Variants in ZFHX3 observed in about 807,000 individuals in gnomAD.
ZFHX3 encodes zinc finger homeobox protein 3.
Under a neutral mutation model 279.1 loss-of-function variants are expected in ZFHX3, and 42 were observed. The ratio of observed to expected loss-of-function variants is 0.15; its 90% CI spans 0.12 to 0.19. The LOEUF is 0.19. Ranked by LOEUF, ZFHX3 falls within the 10% of genes least tolerant of loss-of-function variation. The pLI, the probability that ZFHX3 is intolerant of heterozygous loss-of-function variation, is 1.00. For missense variants in ZFHX3, 4,981 were observed against 4,754.0 expected (o/e 1.05, Z -1.40); for synonymous variants, 2,293 against 1,957.8 (o/e 1.17, Z -4.52).
chr16:73,445,523 A>C (rs1284198454), intron 3 of ZFHX3, among the ~76,000 whole-genome samples: 1 of 152,150 alleles, frequency 6.6e-6, no homozygotes, highest in Non-Finnish European at 1.5e-5. Flanking sequence ...TCCAAATGGA[A>C]CTATCTGAGC....
At chr16:73,566,935 G>A (rs1304421831) in intron 2 of ZFHX3, among the ~76,000 whole-genome samples, 1 of 152,128 alleles carries the variant, frequency 6.6e-6, no homozygotes, top group Admixed American at 6.5e-5. Context: ...CCAACCTCAG[G>A]TGATCCGCCT....
intron 7 of ZFHX3, among the ~76,000 whole-genome samples, chr16:73,106,986 C>T (rs898588016): frequency 2.0e-5 from 3 of 152,072 alleles, no homozygotes; most frequent in African/African-American, 7.2e-5. Flanking sequence ...ACTTGTAATA[C>T]CAAAAAAGCA....
intron 5 of ZFHX3, among the ~76,000 whole-genome samples, chr16:72,820,944 ATT>A (rs2036775993): frequency 1.3e-5 from 2 of 152,162 alleles, no homozygotes; most frequent in Non-Finnish European, 2.9e-5. Context: ...TCAAACAATA[ATT>A]AGGTTAGTTA....
chr16:73,485,595 C>T (rs1373700184), intron 2 of ZFHX3, among the ~76,000 whole-genome samples: 1 of 152,142 alleles, frequency 6.6e-6, no homozygotes, highest in African/African-American at 2.4e-5. Context: ...CCCTGCTCGA[C>T]CTTTCTCTCT....
intron 5 of ZFHX3, among the ~76,000 whole-genome samples, chr16:73,212,651 T>C (rs911527172): frequency 2.0e-5 from 3 of 152,224 alleles, no homozygotes; most frequent in African/African-American, 7.2e-5. Flanking sequence ...CTCATGACCG[T>C]CACCTGGAGC....
chr16:73,477,934 C>T (rs1006009763), intron 2 of ZFHX3, among the ~76,000 whole-genome samples: 15 of 152,150 alleles, frequency 9.9e-5, no homozygotes, highest in Admixed American at 6.5e-4. Context: ...CTACCTACCC[C>T]TCCTGGCTTA....
upstream of ZFHX3, among the ~76,000 whole-genome samples, chr16:73,049,697 G>A (rs1055463641): frequency 3.3e-5 from 5 of 152,162 alleles, no homozygotes; most frequent in Non-Finnish European, 7.3e-5. Context: ...TCAGTCACAC[G>A]TGAGAGCACG....
intron 2 of ZFHX3, among the ~76,000 whole-genome samples, chr16:73,626,539 G>T (rs1246138920): frequency 1.3e-5 from 2 of 152,094 alleles, no homozygotes; most frequent in Non-Finnish European, 2.9e-5. Context: ...TTTGATCAAT[G>T]ACCTCCAGTA....
chr16:73,644,281 CT>C (rs2052598760), intron 2 of ZFHX3, among the ~76,000 whole-genome samples: 1 of 151,930 alleles, frequency 6.6e-6, no homozygotes, highest in Non-Finnish European at 1.5e-5. Flanking sequence ...GCACATCTCC[CT>C]TTGGTTATCT....
chr16:73,270,689 C>T (rs376757729), intron 4 of ZFHX3, among the ~76,000 whole-genome samples: 3 of 152,214 alleles, frequency 2.0e-5, no homozygotes, highest in African/African-American at 4.8e-5. Context: ...TGGAGGTCAG[C>T]GGTCCCCTAT....
chr16:73,764,321 G>A (rs1218757667), intron 1 of ZFHX3, among the ~76,000 whole-genome samples: 3 of 151,942 alleles, frequency 2.0e-5, no homozygotes, highest in African/African-American at 7.3e-5. Flanking sequence ...TCAATCTCTG[G>A]CTCCCTATGA....
chr16:73,716,745 T>A (rs1171693563), intron 1 of ZFHX3, among the ~76,000 whole-genome samples: 1 of 152,108 alleles, frequency 6.6e-6, no homozygotes, highest in Non-Finnish European at 1.5e-5. Context: ...GCTTCCCCTG[T>A]CTTCTGCATT....
At chr16:72,878,837 A>T (rs1377044014) in intron 4 of ZFHX3, among the ~76,000 whole-genome samples, 1 of 152,158 alleles carries the variant, frequency 6.6e-6, no homozygotes, top group Admixed American at 6.5e-5. Context: ...AACCTTCTCC[A>T]GGGAAGGAAA....
At chr16:73,801,159 A>T (rs988136974) in intron 1 of ZFHX3, among the ~76,000 whole-genome samples, 1 of 152,178 alleles carries the variant, frequency 6.6e-6, no homozygotes, top group African/African-American at 2.4e-5. Flanking sequence ...TTTTTAGTGG[A>T]ATTGTTAAAA....
At chr16:72,920,527 A>G (rs1301277186) in intron 3 of ZFHX3, among the ~76,000 whole-genome samples, 1 of 151,922 alleles carries the variant, frequency 6.6e-6, no homozygotes, top group African/African-American at 2.4e-5. Context: ...TAAAAATACA[A>G]GAAAAAAAAA....
intron 2 of ZFHX3, among the ~76,000 whole-genome samples, chr16:73,542,712 TAAAC>T (rs1201272441): frequency 6.6e-6 from 1 of 152,210 alleles, no homozygotes; most frequent in Non-Finnish European, 1.5e-5. Context: ...GAATTTTAGA[TAAAC>T]AATGCACAAT....
intron 3 of ZFHX3, among the ~76,000 whole-genome samples, chr16:73,353,866 G>C (rs2016290716): frequency 1.3e-5 from 2 of 152,198 alleles, no homozygotes; most frequent in African/African-American, 4.8e-5. Context: ...CAAATAAATA[G>C]TGTTCATGAT....
intron 6 of ZFHX3, among the ~76,000 whole-genome samples, chr16:73,133,342 T>C (rs577134692): frequency 1.3e-3 from 196 of 152,206 alleles, no homozygotes; most frequent in Non-Finnish European, 2.5e-3. Flanking sequence ...GCCAACATGG[T>C]GAAACCCCGT....
intron 5 of ZFHX3, among the ~76,000 whole-genome samples, chr16:72,813,148 C>A (rs1272391106): frequency 1.3e-5 from 2 of 151,956 alleles, no homozygotes; most frequent in Non-Finnish European, 1.5e-5. Context: ...ATATGGGACT[C>A]CATTTTTCAG....
Sources: gnomAD v4.1 joint callset for allele counts (sites outside exome capture counted in the v4.1 genomes callset) on GRCh38, gnomAD v4.1.1 for gene constraint, MANE v1.5 for transcripts, NCBI Gene and HGNC (gene_info 2026-07-23, HGNC 2026-07-21) for gene names.